Variants in CDH17 observed in about 807,000 individuals in gnomAD.
CDH17 encodes the protein cadherin-17.
In CDH17, 67 loss-of-function variants were observed where a neutral mutation model predicts 86.3. That is an observed-to-expected ratio of 0.78 (90% CI 0.64 to 0.95). CDH17 has a LOEUF of 0.95. CDH17 is among the 40% of genes least tolerant of loss of function. The pLI is 0.00. For missense variants in CDH17, 993 were observed against 1,017.6 expected (o/e 0.98, Z 0.33); for synonymous variants, 367 against 366.4 (o/e 1.00, Z -0.02).
chr8:94,133,908 A>T (rs1297179076), intron 15 of CDH17, among the ~76,000 whole-genome samples: 1 of 152,234 alleles, frequency 6.6e-6, no homozygotes, highest in Non-Finnish European at 1.5e-5. Flanking sequence ...ATCTATTGAG[A>T]TAATCATGTG....
In CDH17 at chr8:94,173,928, C is replaced by T; in HGVS notation, c.652G>A (p.Gly218Ser). ...TCACTGAAGGAATTCTCACTCTGGC[C>T]TCCCATGTCCTTCACTGAGATCACC... ...NLVISVKDMG[G>S]QSENSFSDTT... is the part of the protein sequence containing the mutation. Residue 218 changes from glycine (G) to serine (S), a missense_variant, in exon 7 of 18, where the codon GGC becomes AGC. Physicochemically the swap from Gly to Ser is moderately conservative, Grantham distance 56. Coordinates refer to ENST00000027335, the MANE Select transcript of CDH17 (RefSeq NM_004063.4). The T allele has an allele frequency of 6.2e-7, 1 of 1,613,642 alleles. No individual in the cohort carries two copies. Among genetic ancestry groups the T allele is most frequent in the Non-Finnish European group, 8.5e-7 (1 of 1,179,642 alleles).
intron 13 of CDH17, among the ~76,000 whole-genome samples, chr8:94,151,567 G>A (rs1812856659): frequency 6.6e-6 from 1 of 152,204 alleles, no homozygotes; most frequent in African/African-American, 2.4e-5. Flanking sequence ...GGTTATTCTA[G>A]TCTCTCAGAG....
At chr8:94,164,449 T>C (rs2879672) in intron 10 of CDH17, among the ~76,000 whole-genome samples, 70,901 of 152,116 alleles carry the variant, frequency 0.47, 18,861 homozygotes, top group African/African-American at 0.74. Flanking sequence ...GAATGGACTG[T>C]TGATAGTGTG....
intron 15 of CDH17, among the ~76,000 whole-genome samples, chr8:94,138,013 C>G (rs968058410): frequency 6.6e-6 from 1 of 152,076 alleles, no homozygotes; most frequent in African/African-American, 2.4e-5. Flanking sequence ...CAAAATCCCT[C>G]TGAGTCCAGA....
At chr8:94,131,029 C>G (rs1217772370) in intron 15 of CDH17, 37 bp from the exon 16 acceptor site, 1 of 1,061,066 alleles carries the variant, frequency 9.4e-7, no homozygotes, top group South Asian at 1.3e-5. Context: ...AATACAACTT[C>G]AGACCCTGGA....
intron 14 of CDH17, among the ~76,000 whole-genome samples, chr8:94,146,520 T>C (rs1382930659): frequency 1.3e-5 from 2 of 152,222 alleles, no homozygotes; most frequent in African/African-American, 4.8e-5. Context: ...GGCATGTTAG[T>C]AGAGTTTTCT....
intron 12 of CDH17, among the ~76,000 whole-genome samples, chr8:94,153,244 T>G (rs1812888345): frequency 6.6e-6 from 1 of 152,048 alleles, no homozygotes; most frequent in South Asian, 2.1e-4. Context: ...GACATACAAA[T>G]AGCCAACAAG....
chr8:94,210,522 G>A (rs1242555276), upstream of CDH17, among the ~76,000 whole-genome samples: 1 of 152,110 alleles, frequency 6.6e-6, no homozygotes, highest in Non-Finnish European at 1.5e-5. Flanking sequence ...TCCTTACATG[G>A]TTTAGACATC....
In CDH17 at chr8:94,148,863, C is replaced by T. The variant is rs1586242236; in HGVS notation, c.1808G>A (p.Arg603Lys). The T allele has an allele frequency of 6.2e-7, 1 of 1,607,318 alleles. No homozygotes were observed. The highest frequency in any genetic ancestry group is 1.1e-5 in the South Asian group (1 of 89,366). ...TTTAAGCCAACCTCTTGTGTCTCCC[C>T]TCAGTGAATAGCTTCATCAAATGAA... is the stretch of plus-strand genomic sequence containing the variant. ...PEGLDISYSL[R>K]GDTRGWLKID... The change falls in exon 14 of 18, where the codon AGG becomes AAG. Residue 603 changes from arginine (R) to lysine (K), a missense_variant. By Grantham distance (26) the Arg-to-Lys change is conservative. Transcript: ENST00000027335.
intron 1 of CDH17, among the ~76,000 whole-genome samples, chr8:94,199,423 C>A (rs930520578): frequency 6.6e-6 from 1 of 151,434 alleles, no homozygotes; most frequent in South Asian, 2.1e-4. Flanking sequence ...AGTAAATAAC[C>A]CAGAACTGGT....
intron 12 of CDH17, among the ~76,000 whole-genome samples, chr8:94,159,370 G>A (rs1254044920): frequency 6.6e-6 from 1 of 152,096 alleles, no homozygotes; most frequent in African/African-American, 2.4e-5. Flanking sequence ...CGGAGAGGGG[G>A]ATTAAAAAGA....
At chr8:94,141,865 A>G (rs1812644967) in intron 15 of CDH17, among the ~76,000 whole-genome samples, 1 of 152,298 alleles carries the variant, frequency 6.6e-6, no homozygotes. Flanking sequence ...GCTACATTCT[A>G]AAATTTATAC....
chr8:94,134,081 A>G (rs1256145960), intron 15 of CDH17, among the ~76,000 whole-genome samples: 1 of 152,214 alleles, frequency 6.6e-6, no homozygotes, highest in Non-Finnish European at 1.5e-5. Flanking sequence ...GGATTTTCAC[A>G]TCGATGTTCA....
At chr8:94,209,960 A>G (rs1255547892), upstream of CDH17, among the ~76,000 whole-genome samples, 4 of 151,916 alleles carry the variant, frequency 2.6e-5, no homozygotes, top group Non-Finnish European at 5.9e-5. Context: ...TGTATCATTT[A>G]TAGTCATTGT....
At chr8:94,194,581 G>A in intron 2 of CDH17, 54 bp downstream of exon 2, 1 of 1,203,526 alleles carries the variant, frequency 8.3e-7, no homozygotes, top group Non-Finnish European at 1.2e-6. Context: ...GGGGTAGAAA[G>A]ATAGCAGAAA....
intron 1 of CDH17, chr8:94,197,211 G>A (rs1171593053): frequency 1.3e-5 from 2 of 152,226 alleles, no homozygotes; most frequent in Non-Finnish European, 2.9e-5. Context: ...ATTTATCCCA[G>A]ACAATGATGC....
chr8:94,177,874 T>C (rs1813405540), intron 3 of CDH17, among the ~76,000 whole-genome samples, 153 bp from the exon 4 acceptor site: 1 of 152,246 alleles, frequency 6.6e-6, no homozygotes, highest in Non-Finnish European at 1.5e-5. Flanking sequence ...TAAAAGTTTG[T>C]TTGCACAATA....
At chr8:94,170,759 T>C (rs1563577888) in intron 8 of CDH17, 95 bp downstream of exon 8, 1 of 1,463,254 alleles carries the variant, frequency 6.8e-7, no homozygotes, top group Non-Finnish European at 9.2e-7. Context: ...AATGTGTGTT[T>C]TTTTTTTCTT....
intron 1 of CDH17, among the ~76,000 whole-genome samples, chr8:94,203,577 G>A (rs925055729): frequency 1.3e-5 from 2 of 152,248 alleles, no homozygotes; most frequent in Non-Finnish European, 1.5e-5. Context: ...GATCTGCCAC[G>A]CCCATCTTTT....
Sources: gnomAD v4.1 joint callset for allele counts (sites outside exome capture counted in the v4.1 genomes callset) on GRCh38, gnomAD v4.1.1 for gene constraint, MANE v1.5 for transcripts, NCBI Gene and HGNC (gene_info 2026-07-23, HGNC 2026-07-21) for gene names.